Variants in PIAS2 observed in about 807,000 individuals in gnomAD.
PIAS2 encodes protein inhibitor of activated STAT 2.
Under a neutral mutation model 69.7 loss-of-function variants are expected in PIAS2, and 19 were observed. The ratio of observed to expected loss-of-function variants is 0.27; its 90% CI spans 0.19 to 0.40. The LOEUF (loss-of-function observed/expected upper bound fraction) is 0.40. Among genes scored for constraint, PIAS2 ranks in the 10% least tolerant of loss-of-function variants. PIAS2 has a pLI of 1.00. For missense variants in PIAS2, 624 were observed against 757.0 expected, an observed-to-expected ratio of 0.82 and a Z score of 2.06; for synonymous variants, 261 against 263.2, an observed-to-expected ratio of 0.99 and a Z score of 0.08.
intron 8 of PIAS2, among the ~76,000 whole-genome samples, chr18:46,841,189 C>A (rs1041740010): frequency 2.6e-5 from 4 of 152,206 alleles, no homozygotes; most frequent in Admixed American, 6.5e-5. Context: ...TCAGTAACTA[C>A]TGTGACATTA....
At chr18:46,917,163 T>C (rs1053961641) in intron 1 of PIAS2, 159 bp downstream of exon 1, 5 of 1,087,590 alleles carry the variant, frequency 4.6e-6, no homozygotes, top group Non-Finnish European at 5.6e-6. Flanking sequence ...CCCGCTCCCC[T>C]CCCCCGCGCC....
chr18:46,812,939 C>T (rs2041117549), intron 13 of PIAS2, among the ~76,000 whole-genome samples: 1 of 152,152 alleles, frequency 6.6e-6, no homozygotes, highest in Non-Finnish European at 1.5e-5. Context: ...AAAGAATTTG[C>T]TCCCTAACTG....
chr18:46,913,669 G>A (rs1354171100), intron 1 of PIAS2, among the ~76,000 whole-genome samples: 1 of 151,996 alleles, frequency 6.6e-6, no homozygotes, highest in Non-Finnish European at 1.5e-5. Context: ...ACCTTTTTGT[G>A]AATGACTGCC....
At chr18:46,913,271 C>A (rs2057455781) in intron 1 of PIAS2, among the ~76,000 whole-genome samples, 1 of 152,130 alleles carries the variant, frequency 6.6e-6, no homozygotes, top group Non-Finnish European at 1.5e-5. Context: ...TGTAAGGAAA[C>A]CAAACACTTA....
chr18:46,851,100 G>A (rs1461050921), intron 5 of PIAS2, among the ~76,000 whole-genome samples: 4 of 152,126 alleles, frequency 2.6e-5, no homozygotes, highest in Admixed American at 1.3e-4. Context: ...AAGAAGAAAT[G>A]TTGAGTTTAT....
chr18:46,882,196 ATAT>A (rs2052379767), intron 2 of PIAS2, among the ~76,000 whole-genome samples: 1 of 152,154 alleles, frequency 6.6e-6, no homozygotes, highest in African/African-American at 2.4e-5. Context: ...GTAAATTAGA[ATAT>A]TATATTTTAA....
In PIAS2 at chr18:46,916,072, G is replaced by A. The variant is rs1178024172; in HGVS notation, c.24+1250C>T. On this transcript the variant is annotated intron_variant, in intron 1 of 13. Transcript: ENST00000585916. Reference sequence around the variant, plus strand: ...TATGGTTCTCTGCATAAACTAGTATGGGGCATAACATGTATTAATATGTGT... The same window carrying A: ...TATGGTTCTCTGCATAAACTAGTATAGGGCATAACATGTATTAATATGTGT... 3.9e-5 allele frequency among the ~76,000 whole-genome samples: 6 copies of A among 152,104 alleles called. No homozygotes were observed. The East Asian group carries it at 1.2e-3, about 29-fold the overall frequency.
intron 2 of PIAS2, among the ~76,000 whole-genome samples, chr18:46,884,844 G>A (rs918459921): frequency 6.6e-6 from 1 of 151,894 alleles, no homozygotes; most frequent in African/African-American, 2.4e-5. Flanking sequence ...TTGAACCCAG[G>A]AGGCAGAGGT....
intron 1 of PIAS2, among the ~76,000 whole-genome samples, chr18:46,910,708 CTACAATTGTAGAT>C (rs1211371107): frequency 6.6e-6 from 1 of 152,164 alleles, no homozygotes; most frequent in African/African-American, 2.4e-5. Flanking sequence ...AGATCGTAGA[CTACAATTGTAGAT>C]TACAATCTTC....
chr18:46,855,143 T>C (rs887272465), intron 5 of PIAS2, among the ~76,000 whole-genome samples: 4 of 149,468 alleles, frequency 2.7e-5, no homozygotes, highest in African/African-American at 9.9e-5. Context: ...TCCAGGCTTA[T>C]GTTTTCCATC....
chr18:46,822,028 T>G (rs535146000), intron 11 of PIAS2, among the ~76,000 whole-genome samples: 2 of 152,206 alleles, frequency 1.3e-5, no homozygotes, highest in Admixed American at 6.6e-5. Context: ...ACTGGTCTTA[T>G]GGTTGATGGT....
chr18:46,846,789 G>A lies in PIAS2; in HGVS notation c.779C>T (p.Pro260Leu). ...CCTAACTAAAGATGTAATATTCAAG[G>A]GGCGTCCAGGGCGCTTCTGTTCAAT... ...NGIEQKRPGR[P>L]LNITSLVRLS... is the part of the protein sequence containing the mutation. The change falls in exon 6 of 14, where the codon CCC becomes CTC. Residue 260 changes from proline to leucine, a missense_variant. Pro to Leu is a moderately conservative substitution (Grantham distance 98). Transcript: ENST00000585916. The A allele has an allele frequency of 3.1e-6, 5 of 1,612,746 alleles. No homozygotes were observed. Among genetic ancestry groups the A allele is most frequent in the Non-Finnish European group, 3.4e-6 (4 of 1,179,338 alleles).
rs529318535 is a variant in PIAS2 at position 46,873,903 on chromosome 18, C to T, written c.500-9655G>A. ...GCCTTTCTCCCCCTACCGCCATTCC[C>T]ATCTTCTCCCCCGCTGAAAAGGAGA... On this transcript the variant is annotated intron_variant, in intron 2 of 13. Transcript: ENST00000585916. 2.6e-5 allele frequency among the ~76,000 whole-genome samples: 4 copies of T among 152,254 alleles called. No homozygotes were observed. In the South Asian group the frequency reaches 8.3e-4, roughly 32 times the overall value.
intron 3 of PIAS2, among the ~76,000 whole-genome samples, chr18:46,856,134 T>C (rs553119814): frequency 4.7e-5 from 7 of 150,270 alleles, no homozygotes; most frequent in Non-Finnish European, 8.9e-5. Flanking sequence ...GCCTCCCGAG[T>C]AGCTGGGACT....
intron 2 of PIAS2, among the ~76,000 whole-genome samples, chr18:46,883,213 C>A (rs1469907486): frequency 6.6e-6 from 1 of 151,946 alleles, no homozygotes; most frequent in African/African-American, 2.4e-5. Flanking sequence ...TTACGAAGGA[C>A]TGTCCCTTTC....
chr18:46,816,428 A>G, intron 12 of PIAS2: 1 of 985,252 alleles, frequency 1.0e-6, no homozygotes, highest in Non-Finnish European at 1.2e-6. Context: ...GAAAGAAATC[A>G]TTCCAACGAT....
At chr18:46,868,107 A>G (rs1408346434) in intron 2 of PIAS2, among the ~76,000 whole-genome samples, 1 of 152,222 alleles carries the variant, frequency 6.6e-6, no homozygotes, top group East Asian at 1.9e-4. Flanking sequence ...ATGTCTTCTC[A>G]GCTAAGACCC....
At chr18:46,903,782 T>A (rs2146201243) in intron 1 of PIAS2, 1 of 152,352 alleles carries the variant, frequency 6.6e-6, no homozygotes, top group East Asian at 1.9e-4. Flanking sequence ...ATAGCATTTT[T>A]ATTCATAATT....
intron 2 of PIAS2, among the ~76,000 whole-genome samples, chr18:46,869,526 A>C (rs921606850): frequency 3.9e-5 from 6 of 152,206 alleles, no homozygotes; most frequent in Non-Finnish European, 7.3e-5. Context: ...GAAGGCAAGA[A>C]ATCTCTAACA....
Sources: gnomAD v4.1 joint callset for allele counts (sites outside exome capture counted in the v4.1 genomes callset) on GRCh38, gnomAD v4.1.1 for gene constraint, MANE v1.5 for transcripts, NCBI Gene and HGNC (gene_info 2026-07-23, HGNC 2026-07-21) for gene names.